AKIRIN2: variants seen among roughly 807,000 people sequenced by gnomAD.
The protein encoded by AKIRIN2 is akirin-2.
In AKIRIN2, 6 loss-of-function variants were observed where a neutral mutation model predicts 29.3. The observed-to-expected ratio is 0.20, with a 90% CI of 0.11 to 0.40. AKIRIN2 has a LOEUF of 0.40. Among genes scored for constraint, AKIRIN2 ranks in the 10% least tolerant of loss-of-function variants. The pLI is 1.00. For synonymous variants in AKIRIN2, 128 were observed against 117.5 expected (o/e 1.09, Z -0.58); for missense variants, 210 against 276.1 (o/e 0.76, Z 1.70).
intron 1 of AKIRIN2, among the ~76,000 whole-genome samples, chr6:87,700,117 T>C (rs949890458): frequency 2.0e-5 from 3 of 152,142 alleles, no homozygotes; most frequent in Admixed American, 6.5e-5. Context: ...AGTAAGGTCA[T>C]TAAATAAATT....
At chr6:87,678,725 TAA>T (rs895717867) in intron 2 of AKIRIN2, among the ~76,000 whole-genome samples, 1 of 152,142 alleles carries the variant, frequency 6.6e-6, no homozygotes, top group Non-Finnish European at 1.5e-5. Flanking sequence ...ATTATGCCTG[TAA>T]AAAGACACTT....
Position 87,675,550 on chromosome 6 carries a change from A to G in AKIRIN2, c.*47T>C. On this transcript the variant is annotated 3_prime_UTR_variant, in exon 5 of 5. Coordinates refer to ENST00000257787, the MANE Select transcript of AKIRIN2 (RefSeq NM_018064.4). ...CATGTCATAATTGGGACCTCTTGCA[A>G]CAACTCAACAAGGAACAAGGCAGCC... is the stretch of plus-strand genomic sequence containing the variant. The G allele has an allele frequency of 6.2e-7, 1 of 1,611,602 alleles. No homozygotes were observed. The highest frequency in any genetic ancestry group is 1.1e-5 in the South Asian group (1 of 91,016).
intron 1 of AKIRIN2, among the ~76,000 whole-genome samples, chr6:87,693,572 A>G (rs564142885): frequency 2.6e-5 from 4 of 152,188 alleles, no homozygotes; most frequent in African/African-American, 9.6e-5. Context: ...TACTAAAAAT[A>G]CAATTAGCCA....
intron 1 of AKIRIN2, among the ~76,000 whole-genome samples, chr6:87,698,122 T>C (rs909132428): frequency 3.3e-5 from 5 of 152,196 alleles, no homozygotes; most frequent in African/African-American, 7.2e-5. Context: ...AGGGTAAGTA[T>C]TGATGCAGCT....
At chr6:87,699,547 C>T (rs559982567) in intron 1 of AKIRIN2, among the ~76,000 whole-genome samples, 20 of 151,238 alleles carry the variant, frequency 1.3e-4, no homozygotes, top group Non-Finnish European at 2.5e-4. Context: ...AAAAAAAAAA[C>T]ACCTTGAAGA....
intron 1 of AKIRIN2, among the ~76,000 whole-genome samples, chr6:87,691,146 TA>T (rs1435881207): frequency 6.6e-6 from 1 of 151,960 alleles, no homozygotes; most frequent in East Asian, 1.9e-4. Context: ...GATCTGACGA[TA>T]AAAAGTCCAA....
At chr6:87,693,619 G>C (rs1771313076) in intron 1 of AKIRIN2, among the ~76,000 whole-genome samples, 1 of 151,642 alleles carries the variant, frequency 6.6e-6, no homozygotes, top group South Asian at 2.1e-4. Flanking sequence ...CAGTTACTCA[G>C]GAGGCTAAGG....
chr6:87,681,697 C>T lies in AKIRIN2; in HGVS notation c.302G>A (p.Ser101Asn), dbSNP rs760192931. 6.2e-7 allele frequency: 1 copy of T among 1,613,258 alleles called. No individual in the cohort carries two copies. Among genetic ancestry groups the T allele is most frequent in the South Asian group, 1.1e-5 (1 of 90,972 alleles). ...ACAACACGGATCTGTCTGTTGGAAA[C>T]TCGTTTCTAAATGTCTTCTCTTCTG... ...RMQKRRHLET[S>N]FQQTDPCCTS... Residue 101 changes from serine (S) to asparagine (N), a missense_variant, in exon 2 of 5, where the codon AGT becomes AAT. Ser to Asn is a conservative substitution (Grantham distance 46, BLOSUM62 1). Coordinates refer to ENST00000257787, the MANE Select transcript of AKIRIN2 (RefSeq NM_018064.4).
intron 2 of AKIRIN2, among the ~76,000 whole-genome samples, chr6:87,680,089 G>A (rs1317744116): frequency 6.6e-6 from 1 of 152,154 alleles, no homozygotes; most frequent in Non-Finnish European, 1.5e-5. Context: ...AAGACTGCCA[G>A]TTAACTGATC....
At chr6:87,693,406 T>C (rs1771309247) in intron 1 of AKIRIN2, among the ~76,000 whole-genome samples, 1 of 151,762 alleles carries the variant, frequency 6.6e-6, no homozygotes, top group South Asian at 2.1e-4. Context: ...GGTATTTATA[T>C]CTAGCCAGAA....
At chr6:87,690,395 T>TAC (rs1185751989) in intron 1 of AKIRIN2, among the ~76,000 whole-genome samples, 1 of 152,214 alleles carries the variant, frequency 6.6e-6, no homozygotes, top group Non-Finnish European at 1.5e-5. Flanking sequence ...CTGAATGGTT[T>TAC]TTGCAGTTGT....
chr6:87,700,156 A>G (rs1463669018), intron 1 of AKIRIN2, among the ~76,000 whole-genome samples: 2 of 152,082 alleles, frequency 1.3e-5, no homozygotes, highest in African/African-American at 2.4e-5. Context: ...AAAACTCACT[A>G]CAACTCTAAA....
chr6:87,679,137 G>GAA (rs34554650), intron 2 of AKIRIN2, among the ~76,000 whole-genome samples: 66 of 84,124 alleles, frequency 7.8e-4, no homozygotes, highest in East Asian at 2.3e-3. Context: ...CTTCATCTCA[G>GAA]AAAAAAAAAA....
chr6:87,695,368 G>C (rs1420884287), intron 1 of AKIRIN2, among the ~76,000 whole-genome samples: 1 of 152,144 alleles, frequency 6.6e-6, no homozygotes, highest in Non-Finnish European at 1.5e-5. Context: ...ATTTGGTACA[G>C]AATTACAGGG....
chr6:87,679,533 T>C (rs1771085319), intron 2 of AKIRIN2, among the ~76,000 whole-genome samples: 2 of 152,136 alleles, frequency 1.3e-5, no homozygotes, highest in Admixed American at 6.5e-5. Flanking sequence ...CATTCTGAAA[T>C]CTACTTTGCT....
intron 1 of AKIRIN2, among the ~76,000 whole-genome samples, chr6:87,701,111 C>T (rs1729530760): frequency 1.3e-5 from 2 of 151,942 alleles, no homozygotes; most frequent in African/African-American, 4.8e-5. Flanking sequence ...CGAATAATAT[C>T]GTCCTCTCTG....
chr6:87,689,169 A>C (rs1294705054), intron 1 of AKIRIN2, among the ~76,000 whole-genome samples: 1 of 152,142 alleles, frequency 6.6e-6, no homozygotes, highest in African/African-American at 2.4e-5. Flanking sequence ...AGAACAAAAC[A>C]ATCTCCTATA....
intron 1 of AKIRIN2, among the ~76,000 whole-genome samples, chr6:87,692,833 G>A (rs1001218006): frequency 1.3e-5 from 2 of 151,898 alleles, no homozygotes; most frequent in African/African-American, 2.4e-5. Context: ...ATATCACAAC[G>A]AGGAAAGTTA....
chr6:87,686,755 A>G (rs1351031346), intron 1 of AKIRIN2, among the ~76,000 whole-genome samples: 1 of 152,156 alleles, frequency 6.6e-6, no homozygotes, highest in Non-Finnish European at 1.5e-5. Context: ...ATTGAAAAAG[A>G]AATCTTGTGG....
Sources: allele counts gnomAD v4.1 joint callset (sites outside exome capture counted in the v4.1 genomes callset), GRCh38; gene constraint gnomAD v4.1.1; transcripts MANE v1.5; gene names NCBI Gene and HGNC (gene_info 2026-07-23, HGNC 2026-07-21).